Variants in GABBR1 observed in about 807,000 individuals in gnomAD.
The protein encoded by GABBR1 is GABA-B receptor, R1 subunit.
Under a neutral mutation model 117.7 loss-of-function variants are expected in GABBR1, and 35 were observed. That is an observed-to-expected ratio of 0.30 (90% CI 0.23 to 0.39). The LOEUF is 0.39. Ranked by LOEUF, GABBR1 falls within the 10% of genes least tolerant of loss-of-function variation. GABBR1 has a pLI of 1.00. For synonymous variants in GABBR1, 442 were observed against 486.6 expected (o/e 0.91, Z 1.21); for missense variants, 709 against 1,241.8 (o/e 0.57, Z 6.45).
At chr6:29,615,892 C>A (rs1049200946) in intron 11 of GABBR1, among the ~76,000 whole-genome samples, 2 of 151,952 alleles carry the variant, frequency 1.3e-5, no homozygotes, top group East Asian at 1.9e-4. Flanking sequence ...CATGGTGAAA[C>A]CCTGTCTCTA....
At chr6:29,603,815 G>A in intron 22 of GABBR1, 99 bp from the exon 23 acceptor site, 1 of 917,752 alleles carries the variant, frequency 1.1e-6, no homozygotes, top group Non-Finnish European at 1.5e-6. Context: ...AGAGAGGAAG[G>A]GCACAGAAAA....
intron 11 of GABBR1, among the ~76,000 whole-genome samples, chr6:29,616,645 A>G (rs1169056020): frequency 3.3e-5 from 5 of 151,598 alleles, no homozygotes; most frequent in Non-Finnish European, 7.4e-5. Context: ...AGATCACACC[A>G]TTGTGCTCCA....
At position 29,631,014 on chromosome 6, in the gene GABBR1, T is replaced by C. The variant is rs1193827630; in HGVS notation, c.290-371A>G. ...TAGTTGGCTTCTATTAATATTAAAC[T>C]GGCTTTTGTTTCTTGGGCATATGGT... is the stretch of plus-strand genomic sequence containing the variant. On this transcript the variant is annotated intron_variant, in intron 3 of 22. Coordinates refer to ENST00000377034, the MANE Select transcript of GABBR1 (RefSeq NM_001470.4). The surrounding 1 kb of genome is among the most constrained non-coding windows in gnomAD (Gnocchi z 5.9). Among the ~76,000 whole-genome samples, 2 of 152,234 alleles carry C rather than the reference T, an allele frequency of 1.3e-5. No homozygotes were observed. The highest frequency in any genetic ancestry group is 2.9e-5 in the Non-Finnish European group (2 of 68,040).
Position 29,632,463 on chromosome 6 carries a change from C to T in GABBR1, c.1-78G>A. 1 of 1,192,590 alleles carries T rather than the reference C, an allele frequency of 8.4e-7. No homozygotes were observed. The highest frequency in any genetic ancestry group is 2.0e-5 in the South Asian group (1 of 50,276). 73.9% of individuals were successfully genotyped at this position (1,192,590 alleles called of 1,614,324 possible). A position where few individuals can be genotyped will look rare whatever the true frequency, so the allele number is the denominator to read the frequency against. On this transcript the variant is annotated intron_variant, in intron 1 of 22. Transcript: ENST00000377034. The surrounding 1 kb of genome is among the most constrained non-coding windows in gnomAD (Gnocchi z 5.8). The stretch of plus-strand genomic sequence containing the variant: ...CACCCGGAGACTACTCGACCTCTTG[C>T]CGGTTGCCTCGCAGGCTCCGACCGG...
In GABBR1 at chr6:29,621,039, CA is replaced by C. The variant is rs1265024045; in HGVS notation, c.1323+61del. On this transcript the variant is annotated intron_variant, in intron 11 of 22. Coordinates refer to ENST00000377034, the MANE Select transcript of GABBR1 (RefSeq NM_001470.4). The surrounding 1 kb of genome is among the most constrained non-coding windows in gnomAD (Gnocchi z 5.0). ...CCTCTCCCTGCCACCCTTTCCCCTG[CA>C]AGGCCCCCTCAGTCCTCTCCACCCT... 1 of 1,472,632 alleles carries C rather than the reference CA, an allele frequency of 6.8e-7. No individual in the cohort carries two copies. Among genetic ancestry groups the C allele is most frequent in the Non-Finnish European group, 9.3e-7 (1 of 1,080,016 alleles). The allele number at this position is 1,472,632 out of a possible 1,614,324, so 91.2% of individuals were successfully genotyped here.
Position 29,632,347 on chromosome 6 carries a change from GC to G in GABBR1, c.38del (p.Arg13ProfsTer34). On this transcript the variant is annotated frameshift_variant, in exon 2 of 23. Coordinates refer to ENST00000377034, the MANE Select transcript of GABBR1 (RefSeq NM_001470.4). LOFTEE classifies it high-confidence loss of function. This position sits in a 1 kb window ranked among gnomAD's most constrained non-coding sequence, Gnocchi z 5.8. Reference protein sequence around the residue: ...LLLLLAPLFLRPPGAGGAQTP... With the variant: ...LLLLLAPLFLXPPGAGGAQTP... ...TCTGCGCCCCGCCCGCGCCCGGGGG[GC>G]GGAGGAAGAGTGGCGCCAGTAGCAG... 1 of 1,362,930 alleles carries G rather than the reference GC, an allele frequency of 7.3e-7. No individual in the cohort carries two copies. The highest frequency in any genetic ancestry group is 9.5e-7 in the Non-Finnish European group (1 of 1,053,602). The allele number at this position is 1,362,930 out of a possible 1,614,324, so 84.4% of individuals were successfully genotyped here. A position where few individuals can be genotyped will look rare whatever the true frequency, so the allele number is the denominator to read the frequency against.
chr6:29,630,455 C>T lies in GABBR1; in HGVS notation c.475+3G>A. The T allele has an allele frequency of 1.2e-6, 2 of 1,609,600 alleles. No individual in the cohort carries two copies. The highest frequency in any genetic ancestry group is 8.5e-7 in the Non-Finnish European group (1 of 1,177,236). On this transcript the variant is annotated splice_donor_region_variant and intron_variant, in intron 4 of 22. Coordinates refer to ENST00000377034, the MANE Select transcript of GABBR1 (RefSeq NM_001470.4). This position sits in a 1 kb window ranked among gnomAD's most constrained non-coding sequence, Gnocchi z 4.9. The stretch of plus-strand genomic sequence containing the variant: ...GCTGCATGCAGGCAGCTGTTCCCCT[C>T]ACCCTGGCAGTGGGGCTTGGGGGTG...
Position 29,627,696 on chromosome 6 carries a change from G to A in GABBR1, c.497-50C>T. On this transcript the variant is annotated intron_variant, in intron 5 of 22. Transcript: ENST00000377034. The surrounding 1 kb of genome is among the most constrained non-coding windows in gnomAD (Gnocchi z 4.4). ...GCGAGTGAGGCCGCGGGAGATGGGG[G>A]GAGTGGGAGGCCCACACCGGAGCCA... 2.0e-6 allele frequency: 3 copies of A among 1,532,216 alleles called. No individual in the cohort carries two copies. The highest frequency in any genetic ancestry group is 1.7e-6 in the Non-Finnish European group (2 of 1,144,306). 94.9% of individuals were successfully genotyped at this position (1,532,216 alleles called of 1,614,324 possible). A position where few individuals can be genotyped will look rare whatever the true frequency, so the allele number is the denominator to read the frequency against.
rs768273622 is a variant in GABBR1, at chr6:29,605,656, T to G, written c.2352A>C (p.Gly784=). The part of the protein sequence containing the change: ...YGYKGLLLLL[G]IFLAYETKSV... ...TCTTGGTCTCATAAGCAAGGAAGAT[T>G]CCCAGCAGCAGCAGCAGCCCCTTGT... Residue 784 remains glycine, a synonymous_variant, in exon 20 of 23, where the codon GGA becomes GGC. Coordinates refer to ENST00000377034, the MANE Select transcript of GABBR1 (RefSeq NM_001470.4). The surrounding 1 kb of genome is among the most constrained non-coding windows in gnomAD (Gnocchi z 4.2). 6 of 1,613,114 alleles carry G rather than the reference T, an allele frequency of 3.7e-6. No individual in the cohort carries two copies. The highest frequency in any genetic ancestry group is 5.1e-6 in the Non-Finnish European group (6 of 1,180,036).
rs1477472636 is a variant in GABBR1 at position 29,620,389 on chromosome 6, G to T, written c.1323+712C>A. On this transcript the variant is annotated intron_variant, in intron 11 of 22. Transcript: ENST00000377034. This position sits in a 1 kb window ranked among gnomAD's most constrained non-coding sequence, Gnocchi z 4.5. Reference sequence around the variant, plus strand: ...GGTGTAATAAGCAGACACATAGGTGGCCGTATCGAGCTTACCCAAAATTCC... The same window carrying T: ...GGTGTAATAAGCAGACACATAGGTGTCCGTATCGAGCTTACCCAAAATTCC... Among the ~76,000 whole-genome samples, 2 of 152,252 alleles carry T rather than the reference G, an allele frequency of 1.3e-5. No individual in the cohort carries two copies. The highest frequency in any genetic ancestry group is 3.9e-4 in the East Asian group (2 of 5,182).
In GABBR1 at chr6:29,621,345, G is replaced by C; in HGVS notation, c.1132-53C>G. ...TTTGTTTGCTCATTTGTTTGTTTTT[G>C]TCTTATCTCACTTGATACTATTTAG... is the stretch of plus-strand genomic sequence containing the variant. On this transcript the variant is annotated intron_variant, in intron 10 of 22. Transcript: ENST00000377034. The surrounding 1 kb of genome is among the most constrained non-coding windows in gnomAD (Gnocchi z 5.0). The C allele has an allele frequency of 6.8e-7, 1 of 1,471,722 alleles. No homozygotes were observed. The highest frequency in any genetic ancestry group is 9.4e-7 in the Non-Finnish European group (1 of 1,064,562). 91.2% of individuals were successfully genotyped at this position (1,471,722 alleles called of 1,614,324 possible). A position where few individuals can be genotyped will look rare whatever the true frequency, so the allele number is the denominator to read the frequency against.
At chr6:29,618,249 G>A (rs904201232) in intron 11 of GABBR1, among the ~76,000 whole-genome samples, 6 of 152,144 alleles carry the variant, frequency 3.9e-5, no homozygotes, top group Non-Finnish European at 7.3e-5. Flanking sequence ...AGCACGATGC[G>A]GTCCCCTGCT....
At position 29,632,339 on chromosome 6, in the gene GABBR1, C is replaced by A; in HGVS notation, c.47G>T (p.Gly16Val). 2 of 1,367,904 alleles carry A rather than the reference C, an allele frequency of 1.5e-6. No individual in the cohort carries two copies. Among genetic ancestry groups the A allele is most frequent in the Admixed American group, 3.8e-5 (1 of 26,384 alleles). 84.7% of individuals were successfully genotyped at this position (1,367,904 alleles called of 1,614,324 possible). The change falls in exon 2 of 23, where the codon GGC becomes GTC. Residue 16 changes from glycine to valine, a missense_variant. Gly to Val is a moderately radical substitution (Grantham distance 109). Around this residue, in one of 9 missense-constraint regions of GABBR1, gnomAD observed 43 missense variants for 42.8 expected, o/e 1.00. Coordinates refer to ENST00000377034, the MANE Select transcript of GABBR1 (RefSeq NM_001470.4). The surrounding 1 kb of genome is among the most constrained non-coding windows in gnomAD (Gnocchi z 5.8). ...LLAPLFLRPPGAGGAQTPNAT... is the reference protein window; with the variant it reads ...LLAPLFLRPPVAGGAQTPNAT... ...GTTGGGGGTCTGCGCCCCGCCCGCG[C>A]CCGGGGGGCGGAGGAAGAGTGGCGC...
rs576218710 is a variant in GABBR1 at position 29,606,721 on chromosome 6, C to G, written c.2217+176G>C. Reference sequence around the variant, plus strand: ...GATTCCCACCCCTTCCTTTCTTCAGCTGAATCTGGAGGCCTATGAGGGGCT... The same window carrying G: ...GATTCCCACCCCTTCCTTTCTTCAGGTGAATCTGGAGGCCTATGAGGGGCT... On this transcript the variant is annotated intron_variant, in intron 18 of 22. Transcript: ENST00000377034. This position sits in a 1 kb window ranked among gnomAD's most constrained non-coding sequence, Gnocchi z 4.5. 3 of 643,254 alleles carry G rather than the reference C, an allele frequency of 4.7e-6. No homozygotes were observed. The highest frequency in any genetic ancestry group is 5.4e-6 in the Non-Finnish European group (2 of 371,184). The allele number at this position is 643,254 out of a possible 1,614,324, so 39.8% of individuals were successfully genotyped here.
rs1762728291 is a variant in GABBR1 at position 29,613,144 on chromosome 6, A to T, written c.1566+99T>A. 1 of 1,305,732 alleles carries T rather than the reference A, an allele frequency of 7.7e-7. No homozygotes were observed. The highest frequency in any genetic ancestry group is 1.1e-6 in the Non-Finnish European group (1 of 925,232). The allele number at this position is 1,305,732 out of a possible 1,614,324, so 80.9% of individuals were successfully genotyped here. ...CGGAGACTGATTCTGCAAAGAAGTA[A>T]CTGAGAAAAACAGAGAATGCATGTT... On this transcript the variant is annotated intron_variant, in intron 12 of 22. Transcript: ENST00000377034. The surrounding 1 kb of genome is among the most constrained non-coding windows in gnomAD (Gnocchi z 4.1).
Position 29,617,306 on chromosome 6 carries a change from T to C in GABBR1, c.1323+3795A>G, listed in dbSNP as rs1327564929. ...TTTCTTTTCTTTCTTTCTTTCTTTTTTTTTTTTTTTTTTTGAGATGGAGTC... is the reference window on the plus strand; with the variant it reads ...TTTCTTTTCTTTCTTTCTTTCTTTTCTTTTTTTTTTTTTTGAGATGGAGTC... On this transcript the variant is annotated intron_variant, in intron 11 of 22. Coordinates refer to ENST00000377034, the MANE Select transcript of GABBR1 (RefSeq NM_001470.4). 1.5e-5 allele frequency among the ~76,000 whole-genome samples: 2 copies of C among 134,192 alleles called. 1 individual carries two copies. The allele number at this position is 134,192 out of a possible 152,430, so 88.0% of individuals were successfully genotyped here.
At position 29,603,467 on chromosome 6, in the gene GABBR1, C is replaced by T. The variant is rs566965601; in HGVS notation, c.*76G>A. ...TTCTTCCCAGCTGGGGATGGGGACC[C>T]CCTGCTTCCTGAGTCCCCTGCCCTT... On this transcript the variant is annotated 3_prime_UTR_variant, in exon 23 of 23. Transcript: ENST00000377034. 20 of 1,316,204 alleles carry T rather than the reference C, an allele frequency of 1.5e-5. No individual in the cohort carries two copies. The highest frequency in any genetic ancestry group is 1.8e-4 in the Middle Eastern group (1 of 5,552). 81.5% of individuals were successfully genotyped at this position (1,316,204 alleles called of 1,614,324 possible).
chr6:29,621,837 A>T lies in GABBR1; in HGVS notation c.1066-20T>A, dbSNP rs758587134. ...CTGGCGCTACAACAGAGAAAGAAAC[A>T]GCTCCTGAGGGATGCCCGGGAATGC... On this transcript the variant is annotated intron_variant, in intron 9 of 22. Transcript: ENST00000377034. This position sits in a 1 kb window ranked among gnomAD's most constrained non-coding sequence, Gnocchi z 5.0. 6.2e-7 allele frequency: 1 copy of T among 1,613,698 alleles called. No individual in the cohort carries two copies. The highest frequency in any genetic ancestry group is 8.5e-7 in the Non-Finnish European group (1 of 1,179,610).
chr6:29,629,423 TACAC>T (rs951875079), intron 4 of GABBR1, among the ~76,000 whole-genome samples: 8 of 152,192 alleles, frequency 5.3e-5, no homozygotes, highest in African/African-American at 1.9e-4. Context: ...GAAAAAAAAT[TACAC>T]ATACAATTGG....
Sources: gnomAD v4.1 joint callset for allele counts (sites outside exome capture counted in the v4.1 genomes callset) on GRCh38, gnomAD v4.1.1 for gene constraint, gnomAD v4.1.1 regional missense constraint, Gnocchi (gnomAD v3.1) non-coding constraint, MANE v1.5 for transcripts, NCBI Gene and HGNC (gene_info 2026-07-23, HGNC 2026-07-21) for gene names.